Variants in CATSPERZ observed in about 807,000 individuals in gnomAD.
CATSPERZ encodes the protein catsper channel auxiliary subunit zeta.
In CATSPERZ, 21 loss-of-function variants were observed where a neutral mutation model predicts 21.7. The observed-to-expected ratio is 0.97, with a 90% CI of 0.69 to 1.39. CATSPERZ has a LOEUF of 1.39. CATSPERZ is among the 40% of genes most tolerant of loss of function. The pLI, the probability that CATSPERZ is intolerant of heterozygous loss-of-function variation, is 0.00. For synonymous variants in CATSPERZ, 127 were observed against 108.7 expected (o/e 1.17, Z -1.05); for missense variants, 234 against 259.5 (o/e 0.90, Z 0.68).
chr11:64,303,877 G>T (rs1199519245), intron 4 of CATSPERZ, 38 bp downstream of exon 4: 1 of 1,571,824 alleles, frequency 6.4e-7, no homozygotes, highest in African/African-American at 1.4e-5. Flanking sequence ...TCCCACGACA[G>T]ATTCTGGTGG....
At chr11:64,301,528 C>T (rs1423689087) in intron 2 of CATSPERZ, among the ~76,000 whole-genome samples, 2 of 151,818 alleles carry the variant, frequency 1.3e-5, no homozygotes, top group African/African-American at 4.8e-5. Flanking sequence ...CGCGCGCCAC[C>T]ACGTGCGGCT....
intron 4 of CATSPERZ, among the ~76,000 whole-genome samples, chr11:64,304,296 C>T (rs1408283597): frequency 6.6e-6 from 1 of 152,130 alleles, no homozygotes; most frequent in Non-Finnish European, 1.5e-5. Flanking sequence ...GGTGGGCAAA[C>T]TGCTCGCTAC....
In CATSPERZ at chr11:64,304,680, C is replaced by T; in HGVS notation, c.*34C>T. 6.5e-7 allele frequency: 1 copy of T among 1,537,640 alleles called. No homozygotes were observed. Among genetic ancestry groups the T allele is most frequent in the Non-Finnish European group, 8.8e-7 (1 of 1,135,374 alleles). ...CCTTGGGCTCGAGCAGCGACCCGAA[C>T]CAGCCCCGTGCCAGCCCGGTCCCCA... On this transcript the variant is annotated 3_prime_UTR_variant, in exon 5 of 5. Transcript: ENST00000328404.
In CATSPERZ at chr11:64,303,509, A is replaced by G. The variant is rs1172015346; in HGVS notation, c.380A>G (p.Asn127Ser). The G allele has an allele frequency of 3.7e-6, 6 of 1,613,474 alleles. No individual in the cohort carries two copies. Among genetic ancestry groups the G allele is most frequent in the Middle Eastern group, 1.6e-4 (1 of 6,062 alleles). Residue 127 changes from asparagine to serine, a missense_variant, in exon 3 of 5, where the codon AAT becomes AGT. By Grantham distance (46) the Asn-to-Ser change is conservative. Coordinates refer to ENST00000328404, the MANE Select transcript of CATSPERZ (RefSeq NM_001039496.2). ...AEKSSSMSSL[N>S]IAKHMPHRAY... ...AAGTCTTCCTCAATGTCATCACTCA[A>G]TATTGCGAAGCACATGCCCCATCGA...
chr11:64,304,211 T>G (rs997919275), intron 4 of CATSPERZ, among the ~76,000 whole-genome samples: 1 of 152,040 alleles, frequency 6.6e-6, no homozygotes, highest in Non-Finnish European at 1.5e-5. Flanking sequence ...TGGGTGAACT[T>G]TTGCTGCTGT....
Position 64,304,561 on chromosome 11 carries a change from G to A in CATSPERZ, c.518G>A (p.Gly173Asp), listed in dbSNP as rs867277514. 1.3e-6 allele frequency: 2 copies of A among 1,586,306 alleles called. No individual in the cohort carries two copies. The highest frequency in any genetic ancestry group is 2.3e-5 in the East Asian group (1 of 43,292). ...KALRSYQLGIGRDHFLTKELQ... is the reference protein window; with the variant it reads ...KALRSYQLGIDRDHFLTKELQ... ...CTCCTAGGCTACCAGTTAGGGATCG[G>A]CAGGGACCACTTCCTGACTAAGGAG... The change falls in exon 5 of 5, where the codon GGC (glycine) becomes GAC (aspartate). Residue 173 changes from glycine to aspartate, a missense_variant. Coordinates refer to ENST00000328404, the MANE Select transcript of CATSPERZ (RefSeq NM_001039496.2).
chr11:64,302,108 T>C (rs1431432000), intron 2 of CATSPERZ, among the ~76,000 whole-genome samples: 2 of 152,192 alleles, frequency 1.3e-5, no homozygotes, highest in Non-Finnish European at 2.9e-5. Flanking sequence ...TACTACGTGC[T>C]GGGCACTGTC....
In CATSPERZ at chr11:64,300,965, C is replaced by T. The variant is rs1183232816; in HGVS notation, c.330C>T (p.Asp110=). Residue 110 remains aspartate (D), a synonymous_variant, in exon 2 of 5, where the codon GAC becomes GAT. Transcript: ENST00000328404. ...SSMEINLGEK[D]TASQIEAEKS... ...TGGAAATCAATCTGGGGGAGAAGGA[C>T]ACTGCATCCCAGATCGAGGCCGGTC... 2 of 1,561,018 alleles carry T rather than the reference C, an allele frequency of 1.3e-6. No homozygotes were observed. The highest frequency in any genetic ancestry group is 1.7e-6 in the Non-Finnish European group (2 of 1,151,688).
rs753699650 is a variant in CATSPERZ at position 64,303,571 on chromosome 11, GCTGGGGAGA to G, written c.432+16_432+24del. ...AGAGCAGCAGAGCAGGGTTGGAGGG[GCTGGGGAGA>G]CTGGGCGTTTCGGTGGGGTAGGGGA... On this transcript the variant is annotated intron_variant, in intron 3 of 4. Coordinates refer to ENST00000328404, the MANE Select transcript of CATSPERZ (RefSeq NM_001039496.2). 3.8e-5 allele frequency: 61 copies of G among 1,612,186 alleles called. No individual in the cohort carries two copies. Among genetic ancestry groups the G allele is most frequent in the Non-Finnish European group, 4.9e-5 (58 of 1,179,272 alleles).
At chr11:64,303,014 C>T (rs1317980981) in intron 2 of CATSPERZ, among the ~76,000 whole-genome samples, 1 of 151,724 alleles carries the variant, frequency 6.6e-6, no homozygotes, top group Non-Finnish European at 1.5e-5. Context: ...ATTCTCCTGC[C>T]TCAGCCTCCC....
chr11:64,303,401 A>G, intron 2 of CATSPERZ, 81 bp from the exon 3 acceptor site: 1 of 1,179,208 alleles, frequency 8.5e-7, no homozygotes, highest in East Asian at 2.5e-5. Flanking sequence ...ATTCCCTCTC[A>G]CAAGGTGCCT....
chr11:64,303,281 T>A (rs528722078), intron 2 of CATSPERZ, among the ~76,000 whole-genome samples: 1 of 151,662 alleles, frequency 6.6e-6, no homozygotes, highest in Non-Finnish European at 1.5e-5. Context: ...AGTGTCACAC[T>A]GTGGGGCAGT....
chr11:64,304,692 C>G lies in CATSPERZ; in HGVS notation c.*46C>G. The G allele has an allele frequency of 6.6e-7, 1 of 1,508,456 alleles. No homozygotes were observed. Among genetic ancestry groups the G allele is most frequent in the South Asian group, 1.2e-5 (1 of 83,164 alleles). The allele number at this position is 1,508,456 out of a possible 1,614,324, so 93.4% of individuals were successfully genotyped here. ...GCAGCGACCCGAACCAGCCCCGTGCCAGCCCGGTCCCCAGACCCAAGCCTG... is the reference window on the plus strand; with the variant it reads ...GCAGCGACCCGAACCAGCCCCGTGCGAGCCCGGTCCCCAGACCCAAGCCTG... On this transcript the variant is annotated 3_prime_UTR_variant, in exon 5 of 5. Transcript: ENST00000328404.
Position 64,300,642 on chromosome 11 carries a change from G to C in CATSPERZ, c.22-15G>C. On this transcript the variant is annotated splice_polypyrimidine_tract_variant and intron_variant, in intron 1 of 4. Coordinates refer to ENST00000328404, the MANE Select transcript of CATSPERZ (RefSeq NM_001039496.2). ...ATCCGCGACCCTTGGCTCCCTCCTT[G>C]TATGTGGCCCACAGGTGTCGCTCAA... The C allele has an allele frequency of 1.3e-6, 2 of 1,525,640 alleles. No individual in the cohort carries two copies. Among genetic ancestry groups the C allele is most frequent in the South Asian group, 2.5e-5 (2 of 80,902 alleles). The allele number at this position is 1,525,640 out of a possible 1,614,324, so 94.5% of individuals were successfully genotyped here. A position where few individuals can be genotyped will look rare whatever the true frequency, so the allele number is the denominator to read the frequency against.
intron 2 of CATSPERZ, among the ~76,000 whole-genome samples, chr11:64,302,490 C>G (rs1489225422): frequency 6.6e-6 from 1 of 152,134 alleles, no homozygotes; most frequent in African/African-American, 2.4e-5. Context: ...CCTTGTTAGC[C>G]AGGATGGTCT....
At chr11:64,301,090 G>A (rs1591233982) in intron 2 of CATSPERZ, 103 bp downstream of exon 2, 1 of 1,162,236 alleles carries the variant, frequency 8.6e-7, no homozygotes, top group Non-Finnish European at 1.2e-6. Flanking sequence ...TGGGATCCAA[G>A]TTTCTAGGAT....
At chr11:64,301,218 G>A (rs1360310812) in intron 2 of CATSPERZ, among the ~76,000 whole-genome samples, 1 of 152,222 alleles carries the variant, frequency 6.6e-6, no homozygotes, top group East Asian at 1.9e-4. Flanking sequence ...CGCAGAGTCC[G>A]GGGAAGGACG....
Position 64,303,802 on chromosome 11 carries a change from G to A in CATSPERZ, c.462G>A (p.Glu154=). The change falls in exon 4 of 5, where the codon GAG becomes GAA. Residue 154 remains glutamate, a synonymous_variant. Coordinates refer to ENST00000328404, the MANE Select transcript of CATSPERZ (RefSeq NM_001039496.2). ...CACTGCCCCTGATGGAACTCATGGA[G>A]AATGAAGCTCTGGAAATCCTCACCA... ...RLPLPLMELM[E]NEALEILTKA... is the part of the protein sequence containing the mutation. 6.2e-7 allele frequency: 1 copy of A among 1,601,660 alleles called. No individual in the cohort carries two copies. Among genetic ancestry groups the A allele is most frequent in the Non-Finnish European group, 8.5e-7 (1 of 1,174,330 alleles).
At position 64,300,395 on chromosome 11, in the gene CATSPERZ, C is replaced by T; in HGVS notation, c.-16C>T. 7.0e-7 allele frequency: 1 copy of T among 1,438,284 alleles called. No individual in the cohort carries two copies. The highest frequency in any genetic ancestry group is 9.4e-7 in the Non-Finnish European group (1 of 1,069,230). The allele number at this position is 1,438,284 out of a possible 1,614,324, so 89.1% of individuals were successfully genotyped here. Reference sequence around the variant, plus strand: ...GTCTCGAGGCCTGTGGCGTCTGGGTCCGTTGGGGCAGAACCATGGAGGAAA... The same window carrying T: ...GTCTCGAGGCCTGTGGCGTCTGGGTTCGTTGGGGCAGAACCATGGAGGAAA... On this transcript the variant is annotated 5_prime_UTR_variant, in exon 1 of 5. Coordinates refer to ENST00000328404, the MANE Select transcript of CATSPERZ (RefSeq NM_001039496.2).
Sources: gnomAD v4.1 joint callset for allele counts (sites outside exome capture counted in the v4.1 genomes callset) on GRCh38, gnomAD v4.1.1 for gene constraint, MANE v1.5 for transcripts, NCBI Gene and HGNC (gene_info 2026-07-23, HGNC 2026-07-21) for gene names.